AIG1: variants seen among roughly 807,000 people sequenced by gnomAD.
The protein encoded by AIG1 is androgen induced 1.
Under a neutral mutation model 31.4 loss-of-function variants are expected in AIG1, and 23 were observed. That is an observed-to-expected ratio of 0.73 (90% CI 0.53 to 1.04). The LOEUF (loss-of-function observed/expected upper bound fraction) is 1.04. Ranked by LOEUF, AIG1 falls within the 50% of genes least tolerant of loss-of-function variation. The probability of loss-of-function intolerance (pLI) is 0.00; values close to 1 mark genes in which losing one functional copy is unlikely to be tolerated. For synonymous variants in AIG1, 100 were observed against 110.5 expected (o/e 0.90, Z 0.60); for missense variants, 274 against 295.0 (o/e 0.93, Z 0.52).
intron 1 of AIG1, among the ~76,000 whole-genome samples, chr6:143,089,573 T>C (rs974103214): frequency 6.6e-6 from 1 of 152,186 alleles, no homozygotes; most frequent in Non-Finnish European, 1.5e-5. Context: ...ATACCTGAGA[T>C]GGGGTAATTT....
At chr6:143,249,356 T>C (rs1794844827) in intron 3 of AIG1, among the ~76,000 whole-genome samples, 1 of 152,168 alleles carries the variant, frequency 6.6e-6, no homozygotes, top group Non-Finnish European at 1.5e-5. Flanking sequence ...GGGTTTTAAG[T>C]CCTTTCATGT....
rs1798094925 is a variant in AIG1 at position 143,292,028 on chromosome 6, A to C, written c.515+7803A>C. 2.0e-5 allele frequency among the ~76,000 whole-genome samples: 3 copies of C among 152,162 alleles called. No homozygotes were observed. The highest frequency in any genetic ancestry group is 4.1e-4 in the South Asian group (2 of 4,832). On this transcript the variant is annotated intron_variant, in intron 4 of 5. Transcript: ENST00000357847. The surrounding 1 kb of genome is among the most constrained non-coding windows in gnomAD (Gnocchi z 4.9). ...CCTGATAAGAGATGAAGTGGCCTGG[A>C]CCCTGGTGGTAGAAATGGCGTTAAT...
In AIG1 at chr6:143,174,939, G is replaced by A. The variant is rs148162907; in HGVS notation, c.399+9756G>A. On this transcript the variant is annotated intron_variant, in intron 3 of 5. Coordinates refer to ENST00000357847, the MANE Select transcript of AIG1 (RefSeq NM_016108.4). ...TATGCTTTAATGAAATTCTAATTTA[G>A]TGTATTTCGAGGATTTATTTCAAGA... Among the ~76,000 whole-genome samples, 350 of 152,234 alleles carry A rather than the reference G, an allele frequency of 2.3e-3. 1 individual carries two copies. The highest frequency in any genetic ancestry group is 8.1e-3 in the African/African-American group (337 of 41,526).
At chr6:143,210,249 C>T (rs1306557331) in intron 3 of AIG1, among the ~76,000 whole-genome samples, 2 of 152,360 alleles carry the variant, frequency 1.3e-5, no homozygotes, top group African/African-American at 4.8e-5. Flanking sequence ...CCAACCCAGC[C>T]ATGCTGAATT....
At chr6:143,294,462 G>A (rs559628761) in intron 4 of AIG1, among the ~76,000 whole-genome samples, 3 of 152,170 alleles carry the variant, frequency 2.0e-5, no homozygotes, top group Admixed American at 6.5e-5. Context: ...TATGAACTGG[G>A]CCAAGTCACT....
intron 2 of AIG1, among the ~76,000 whole-genome samples, chr6:143,147,534 A>G (rs1440307058): frequency 6.6e-6 from 1 of 152,156 alleles, no homozygotes; most frequent in Non-Finnish European, 1.5e-5. Flanking sequence ...CCTTGGCCAG[A>G]GGGTACTGTG....
intron 1 of AIG1, among the ~76,000 whole-genome samples, chr6:143,097,567 G>C (rs1237986820): frequency 6.6e-6 from 1 of 152,110 alleles, no homozygotes; most frequent in East Asian, 1.9e-4. Context: ...TCCAATGAGC[G>C]CTCCGTACTG....
At chr6:143,226,345 A>G (rs1011498792) in intron 3 of AIG1, among the ~76,000 whole-genome samples, 1 of 151,636 alleles carries the variant, frequency 6.6e-6, no homozygotes, top group Non-Finnish European at 1.5e-5. Flanking sequence ...GGTTCAAGCA[A>G]TTGTCCTGCG....
rs146209227 is a variant in AIG1 at position 143,258,070 on chromosome 6, C to T, written c.400-26040C>T. On this transcript the variant is annotated intron_variant, in intron 3 of 5. Transcript: ENST00000357847. The surrounding 1 kb of genome is among the most constrained non-coding windows in gnomAD (Gnocchi z 4.7). ...GCCTGTTATAAGCCAACCTGATGCC[C>T]AGAGTCCTCCAATTGAATCCATGGT... is the stretch of plus-strand genomic sequence containing the variant. 4.6e-5 allele frequency among the ~76,000 whole-genome samples: 7 copies of T among 152,164 alleles called. No homozygotes were observed. The highest frequency in any genetic ancestry group is 1.7e-4 in the African/African-American group (7 of 41,434).
chr6:143,214,515 C>T (rs893717354), intron 3 of AIG1, among the ~76,000 whole-genome samples: 1 of 152,178 alleles, frequency 6.6e-6, no homozygotes, highest in African/African-American at 2.4e-5. Context: ...ATACTTTAAC[C>T]TAAGCACCAT....
At chr6:143,186,272 A>G (rs754304389) in intron 3 of AIG1, among the ~76,000 whole-genome samples, 1 of 152,186 alleles carries the variant, frequency 6.6e-6, no homozygotes, top group Non-Finnish European at 1.5e-5. Flanking sequence ...ACTGATAAAC[A>G]TTCCTGGCAT....
intron 1 of AIG1, chr6:143,061,400 C>CT: frequency 2.3e-6 from 1 of 438,740 alleles, no homozygotes; most frequent in East Asian, 5.9e-5. Flanking sequence ...GAATCTTCAA[C>CT]AAAAGCATCG....
Position 143,061,263 on chromosome 6 carries a change from A to G in AIG1, c.141+197A>G, listed in dbSNP as rs188373750. The G allele has an allele frequency of 4.3e-4, 312 of 722,156 alleles. 2 individuals are homozygous for G. In the African/African-American group the frequency reaches 4.4e-3, roughly 10 times the overall value. The allele number at this position is 722,156 out of a possible 1,614,324, so 44.7% of individuals were successfully genotyped here. ...CCCCCGCAGCGGCACCTTCTGAACC[A>G]CTCACCGTTACCTGGTAGCTGGGTA... On this transcript the variant is annotated intron_variant, in intron 1 of 5. Transcript: ENST00000357847.
rs148258022 is a variant in AIG1 at position 143,116,379 on chromosome 6, A to T, written c.142-20456A>T. Among the ~76,000 whole-genome samples the T allele has an allele frequency of 2.4e-3, 361 of 152,238 alleles. 2 individuals carry two copies. Among genetic ancestry groups the T allele is most frequent in the African/African-American group, 8.2e-3 (342 of 41,522 alleles). Reference sequence around the variant, plus strand: ...TTGTGTTCTAAGCAAGAAAATGAAAAGAGTTAAAATCCAGTTATTCATTCA... The same window carrying T: ...TTGTGTTCTAAGCAAGAAAATGAAATGAGTTAAAATCCAGTTATTCATTCA... On this transcript the variant is annotated intron_variant, in intron 1 of 5. Coordinates refer to ENST00000357847, the MANE Select transcript of AIG1 (RefSeq NM_016108.4).
intron 4 of AIG1, among the ~76,000 whole-genome samples, chr6:143,290,928 T>C (rs1199294464): frequency 6.6e-6 from 1 of 152,138 alleles, no homozygotes. Context: ...TATGCCCGTC[T>C]TCCCCACCCT....
At chr6:143,241,255 C>T (rs1372613525) in intron 3 of AIG1, among the ~76,000 whole-genome samples, 9 of 152,214 alleles carry the variant, frequency 5.9e-5, no homozygotes, top group Non-Finnish European at 8.8e-5. Flanking sequence ...CCTTGAGAAA[C>T]GCTGTTTCAG....
chr6:143,282,548 C>A (rs945232432), intron 3 of AIG1, among the ~76,000 whole-genome samples: 1 of 152,104 alleles, frequency 6.6e-6, no homozygotes, highest in Non-Finnish European at 1.5e-5. Flanking sequence ...TGACTTTCTT[C>A]AGAGCTAATT....
chr6:143,242,846 A>G (rs1347421577), intron 3 of AIG1, among the ~76,000 whole-genome samples: 1 of 152,226 alleles, frequency 6.6e-6, no homozygotes, highest in Non-Finnish European at 1.5e-5. Flanking sequence ...CAGGAAGTGC[A>G]TGCGACATCA....
chr6:143,315,319 A>G (rs1775649570), intron 4 of AIG1, among the ~76,000 whole-genome samples: 1 of 152,106 alleles, frequency 6.6e-6, no homozygotes, highest in South Asian at 2.1e-4. Flanking sequence ...GATAGCAAAA[A>G]CTGATTCTAA....
Sources: allele counts gnomAD v4.1 joint callset (sites outside exome capture counted in the v4.1 genomes callset), GRCh38; gene constraint gnomAD v4.1.1; non-coding constraint Gnocchi (gnomAD v3.1); transcripts MANE v1.5; gene names NCBI Gene and HGNC (gene_info 2026-07-23, HGNC 2026-07-21).